The following STPG4 variants were observed in gnomAD, a reference collection of about 807,000 sequenced individuals.
STPG4 encodes the protein protein STPG4.
STPG4 carries 41 observed loss-of-function variants against 31.5 expected under a neutral mutation model. The observed-to-expected ratio is 1.30, with a 90% CI of 1.01 to 1.69. The LOEUF is 1.69. STPG4 is among the 40% of genes most tolerant of loss of function. The pLI is 0.00. For missense variants in STPG4, 375 were observed against 293.4 expected, an observed-to-expected ratio of 1.28 and a Z score of -2.03; for synonymous variants, 141 against 103.0, an observed-to-expected ratio of 1.37 and a Z score of -2.24.
chr2:47,150,584 T>C (rs1013852852), intron 3 of STPG4, among the ~76,000 whole-genome samples: 2 of 151,776 alleles, frequency 1.3e-5, no homozygotes, highest in Non-Finnish European at 2.9e-5. Flanking sequence ...CATATAATCA[T>C]AGCTCACTGC....
At chr2:47,119,544 A>G (rs1486342402) in intron 5 of STPG4, among the ~76,000 whole-genome samples, 1 of 152,232 alleles carries the variant, frequency 6.6e-6, no homozygotes, top group African/African-American at 2.4e-5. Flanking sequence ...CCTTCATTTA[A>G]AAGCATGCAT....
chr2:47,116,372 A>G (rs1214721541), intron 5 of STPG4, among the ~76,000 whole-genome samples: 1 of 152,256 alleles, frequency 6.6e-6, no homozygotes, highest in African/African-American at 2.4e-5. Context: ...AGTTTCTCTG[A>G]AACTATTCTA....
intron 5 of STPG4, among the ~76,000 whole-genome samples, chr2:47,094,893 AAGCCT>A (rs1685639368): frequency 6.6e-6 from 1 of 152,168 alleles, no homozygotes; most frequent in South Asian, 2.1e-4. Context: ...GGCCTTTGGT[AAGCCT>A]GACATTTCCT....
chr2:47,152,684 TAA>T (rs1686961093), intron 2 of STPG4, among the ~76,000 whole-genome samples: 1 of 152,246 alleles, frequency 6.6e-6, no homozygotes, highest in African/African-American at 2.4e-5. Context: ...ACCCAGATCA[TAA>T]GAGCATAGGT....
rs563305183 is a variant in STPG4, at chr2:47,143,634, C to T, written c.399+7624G>A. 3.9e-5 allele frequency among the ~76,000 whole-genome samples: 6 copies of T among 152,078 alleles called. No individual in the cohort carries two copies. In the East Asian group the frequency reaches 7.7e-4, roughly 20 times the overall value. On this transcript the variant is annotated intron_variant, in intron 3 of 6. Transcript: ENST00000445927. ...CCGAATAGCTGGGACTATAGGCGTG[C>T]GCCACCACGCCCGGCTAATTTTTTT...
intron 5 of STPG4, among the ~76,000 whole-genome samples, chr2:47,096,045 T>C (rs1426333017): frequency 6.6e-6 from 1 of 152,192 alleles, no homozygotes; most frequent in Non-Finnish European, 1.5e-5. Flanking sequence ...AGAGACTGTA[T>C]ACAAGAGAGA....
chr2:47,130,568 T>G (rs148258831), intron 3 of STPG4, among the ~76,000 whole-genome samples: 1 of 152,230 alleles, frequency 6.6e-6, no homozygotes, highest in East Asian at 1.9e-4. Flanking sequence ...CAGGCTGGAG[T>G]GCAGTGGCGT....
intron 5 of STPG4, chr2:47,128,985 G>C (rs1272316856): frequency 6.6e-6 from 1 of 152,302 alleles, no homozygotes; most frequent in African/African-American, 2.4e-5. Flanking sequence ...GGGCTCTTTA[G>C]TCAGTAGGTG....
At chr2:47,090,671 C>G (rs974535153) in intron 5 of STPG4, among the ~76,000 whole-genome samples, 3 of 152,236 alleles carry the variant, frequency 2.0e-5, no homozygotes, top group Admixed American at 6.5e-5. Flanking sequence ...CCAGCCCACA[C>G]TCAGGTCCCC....
At chr2:47,096,854 C>A (rs1352766949) in intron 5 of STPG4, among the ~76,000 whole-genome samples, 1 of 152,022 alleles carries the variant, frequency 6.6e-6, no homozygotes, top group Non-Finnish European at 1.5e-5. Context: ...ATTAAGGAAC[C>A]ACCACCACCA....
At position 47,100,271 on chromosome 2, in the gene STPG4, T is replaced by G. The variant is rs1438237215; in HGVS notation, c.520-9897A>C. On this transcript the variant is annotated intron_variant, in intron 5 of 6. Transcript: ENST00000445927. ...AATACACCAATCAGCACTCTGTATC[T>G]AGCTCAAGGTTTGTAAACACACCAA... Among the ~76,000 whole-genome samples, 7 of 151,638 alleles carry G rather than the reference T, an allele frequency of 4.6e-5. No individual in the cohort carries two copies. In the East Asian group the frequency reaches 9.7e-4, roughly 21 times the overall value.
intron 5 of STPG4, among the ~76,000 whole-genome samples, chr2:47,125,722 T>TA (rs900595955): frequency 2.6e-5 from 2 of 78,316 alleles, no homozygotes; most frequent in Non-Finnish European, 5.3e-5. Flanking sequence ...GTCTTAGATT[T>TA]AATTTTTTTT....
At chr2:47,088,403 C>T (rs1031378905) in intron 6 of STPG4, among the ~76,000 whole-genome samples, 1 of 152,204 alleles carries the variant, frequency 6.6e-6, no homozygotes, top group Admixed American at 6.5e-5. Context: ...TTTGAGACAC[C>T]AGTGTAATGG....
chr2:47,152,742 G>C (rs1341994310), intron 2 of STPG4, among the ~76,000 whole-genome samples: 1 of 152,176 alleles, frequency 6.6e-6, no homozygotes, highest in Admixed American at 6.5e-5. Flanking sequence ...TTCTAGAATT[G>C]TTTAACTTTC....
At chr2:47,121,739 G>T (rs973341100) in intron 5 of STPG4, among the ~76,000 whole-genome samples, 1 of 152,180 alleles carries the variant, frequency 6.6e-6, no homozygotes, top group African/African-American at 2.4e-5. Context: ...GAGGATCTAA[G>T]GGAGAAGCTG....
intron 1 of STPG4, among the ~76,000 whole-genome samples, chr2:47,153,237 T>C (rs1228023541): frequency 6.6e-6 from 1 of 152,178 alleles, no homozygotes; most frequent in African/African-American, 2.4e-5. Context: ...TTGATAAAAT[T>C]AGAGTAATAA....
At chr2:47,106,511 T>C (rs937668553) in intron 5 of STPG4, among the ~76,000 whole-genome samples, 1 of 151,920 alleles carries the variant, frequency 6.6e-6, no homozygotes, top group Non-Finnish European at 1.5e-5. Flanking sequence ...CAAGAAATAA[T>C]GAAATCTATC....
intron 5 of STPG4, among the ~76,000 whole-genome samples, chr2:47,091,503 C>G (rs1014603181): frequency 9.2e-5 from 14 of 152,058 alleles, no homozygotes; most frequent in African/African-American, 3.4e-4. Flanking sequence ...TTTTTTCCCC[C>G]CTCCATTTTC....
chr2:47,130,228 C>T lies in STPG4; in HGVS notation c.432G>A (p.Val144=). 1 of 1,614,070 alleles carries T rather than the reference C, an allele frequency of 6.2e-7. No individual in the cohort carries two copies. The highest frequency in any genetic ancestry group is 1.1e-5 in the South Asian group (1 of 91,080). The change falls in exon 4 of 7, where the codon GTG becomes GTA. Residue 144 remains valine (V), a synonymous_variant. Coordinates refer to ENST00000445927, the MANE Select transcript of STPG4 (RefSeq NM_001163561.2). The part of the protein sequence containing the change: ...SLQLSPGQYN[V]LPAPVPKYAS... Reference sequence around the variant, plus strand: ...CATATTTGGGAACTGGTGCAGGAAGCACGTTGTATTGCCCCGGAGAAAGCT... The same window carrying T: ...CATATTTGGGAACTGGTGCAGGAAGTACGTTGTATTGCCCCGGAGAAAGCT...
Sources: gnomAD v4.1 joint callset for allele counts (sites outside exome capture counted in the v4.1 genomes callset) on GRCh38, gnomAD v4.1.1 for gene constraint, MANE v1.5 for transcripts, NCBI Gene and HGNC (gene_info 2026-07-23, HGNC 2026-07-21) for gene names.